ATF3: variants seen among roughly 807,000 people sequenced by gnomAD.
ATF3 encodes the protein activating transcription factor 3.
ATF3 carries 10 observed loss-of-function variants against 18.4 expected under a neutral mutation model. The ratio of observed to expected loss-of-function variants is 0.54; its 90% CI spans 0.34 to 0.92. The LOEUF (loss-of-function observed/expected upper bound fraction) is 0.92, where lower values mean the gene tolerates loss of function less well. ATF3 is among the 40% of genes least tolerant of loss of function. The pLI, the probability that ATF3 is intolerant of heterozygous loss-of-function variation, is 0.02. For missense variants in ATF3, 183 were observed against 222.3 expected (o/e 0.82, Z 1.12); for synonymous variants, 78 against 87.9 (o/e 0.89, Z 0.63).
At chr1:212,577,576 A>G (rs1360837412) in intron 1 of ATF3, among the ~76,000 whole-genome samples, 1 of 130,192 alleles carries the variant, frequency 7.7e-6, no homozygotes, top group Non-Finnish European at 1.7e-5. Context: ...CCCCCATCCT[A>G]CCCCCACCAC....
At chr1:212,583,849 T>C (rs1037377502) in intron 1 of ATF3, among the ~76,000 whole-genome samples, 1 of 152,190 alleles carries the variant, frequency 6.6e-6, no homozygotes, top group Non-Finnish European at 1.5e-5. Flanking sequence ...ATGGGAATCA[T>C]AGTATCTACC....
chr1:212,617,416 C>T (rs1655176047), intron 2 of ATF3, among the ~76,000 whole-genome samples: 1 of 152,192 alleles, frequency 6.6e-6, no homozygotes, highest in South Asian at 2.1e-4. Flanking sequence ...GCCTTTTCCT[C>T]ATGGTGGCAA....
In ATF3 at chr1:212,601,931, G is replaced by A. The variant is rs188371663; in HGVS notation, c.-4-13087G>A. ...GGTGAATTGTTTTTTAATTTTGGGG[G>A]GTATATAGTAGGTGTATATATTTAT... is the stretch of plus-strand genomic sequence containing the variant. On this transcript the variant is annotated intron_variant, in intron 1 of 3. Coordinates refer to the ATF3 transcript ENST00000366981. Among the ~76,000 whole-genome samples the A allele has an allele frequency of 6.5e-4, 99 of 151,952 alleles. 1 individual carries two copies. Among genetic ancestry groups the A allele is most frequent in the Non-Finnish European group, 7.5e-4 (51 of 67,970 alleles).
At chr1:212,605,782 CTT>C (rs1396513965), upstream of ATF3, among the ~76,000 whole-genome samples, 1 of 152,192 alleles carries the variant, frequency 6.6e-6, no homozygotes, top group Non-Finnish European at 1.5e-5. Flanking sequence ...GTCTCCAACT[CTT>C]ATCTCACTCA....
rs545110478 is a variant in ATF3, at chr1:212,619,209, G to A, written c.349-149G>A. The A allele has an allele frequency of 5.0e-4, 808 of 1,610,642 alleles. 13 individuals are homozygous for A. In the South Asian group the frequency reaches 8.1e-3, roughly 16 times the overall value. ...GGGTCTGCATTTTCCTAAACCCAGT[G>A]CTGCTCTCCCATCTCCCATCTTCCT... On this transcript the variant is annotated intron_variant, in intron 3 of 3. Coordinates refer to ENST00000341491, the MANE Select transcript of ATF3 (RefSeq NM_001674.4). The surrounding 1 kb of genome is among the most constrained non-coding windows in gnomAD (Gnocchi z 4.4).
At chr1:212,570,129 C>T (rs963632498) in intron 1 of ATF3, among the ~76,000 whole-genome samples, 4 of 81,972 alleles carry the variant, frequency 4.9e-5, no homozygotes, top group Non-Finnish European at 1.4e-4. Flanking sequence ...AAAGACCTCC[C>T]TATCTATTAT....
chr1:212,578,078 C>A (rs943508607), intron 1 of ATF3, among the ~76,000 whole-genome samples: 1 of 152,214 alleles, frequency 6.6e-6, no homozygotes, highest in Non-Finnish European at 1.5e-5. Context: ...TCCACATCCT[C>A]ACCAACATTT....
chr1:212,594,023 C>T (rs574833371), intron 1 of ATF3, among the ~76,000 whole-genome samples: 1 of 152,384 alleles, frequency 6.6e-6, no homozygotes, highest in African/African-American at 2.4e-5. Flanking sequence ...CTCAGAGTCA[C>T]ACACATCCAC....
rs1258129197 is a variant in ATF3, at chr1:212,618,251, C to T, written c.348+17C>T. ...CTGCAGAAAGTGAGTGCCTTCTAGC[C>T]TTACCCTTCCTCTCGCTCACGCCTG... On this transcript the variant is annotated intron_variant, in intron 3 of 3. Transcript: ENST00000341491. The surrounding 1 kb of genome is among the most constrained non-coding windows in gnomAD (Gnocchi z 4.4). The T allele has an allele frequency of 6.2e-7, 1 of 1,610,944 alleles. No homozygotes were observed. Among genetic ancestry groups the T allele is most frequent in the South Asian group, 1.1e-5 (1 of 91,006 alleles).
chr1:212,577,857 T>C (rs1664609971), intron 1 of ATF3, among the ~76,000 whole-genome samples: 1 of 152,250 alleles, frequency 6.6e-6, no homozygotes, highest in African/African-American at 2.4e-5. Flanking sequence ...TTCCATATCT[T>C]GGCTATTCTG....
At chr1:212,566,858 C>G (rs904408468) in intron 1 of ATF3, among the ~76,000 whole-genome samples, 3 of 152,142 alleles carry the variant, frequency 2.0e-5, no homozygotes, top group Admixed American at 2.0e-4. Context: ...CTTGGCATCA[C>G]TTCCTGGGAA....
intron 1 of ATF3, among the ~76,000 whole-genome samples, chr1:212,585,742 A>G (rs1664768270): frequency 6.6e-6 from 1 of 152,216 alleles, no homozygotes; most frequent in Admixed American, 6.5e-5. Context: ...ATTTCTGGTT[A>G]TCGACCTAGG....
At chr1:212,616,545 G>T (rs181842208) in intron 2 of ATF3, among the ~76,000 whole-genome samples, 148 of 152,234 alleles carry the variant, frequency 9.7e-4, no homozygotes, top group Middle Eastern at 6.8e-3. Flanking sequence ...TAATCCGCCC[G>T]CCTCGGCCTC....
At chr1:212,587,408 T>C (rs982114408) in intron 1 of ATF3, among the ~76,000 whole-genome samples, 2 of 152,228 alleles carry the variant, frequency 1.3e-5, no homozygotes, top group Non-Finnish European at 2.9e-5. Context: ...TCCAAACAAC[T>C]GACTTGTGAG....
At chr1:212,572,926 A>G (rs1372143614) in intron 1 of ATF3, among the ~76,000 whole-genome samples, 1 of 152,204 alleles carries the variant, frequency 6.6e-6, no homozygotes, top group Non-Finnish European at 1.5e-5. Context: ...TATACAGACA[A>G]TTTGTATATA....
intron 2 of ATF3, among the ~76,000 whole-genome samples, chr1:212,617,745 CAAAG>C (rs1280949873): frequency 4.6e-5 from 7 of 152,046 alleles, no homozygotes; most frequent in East Asian, 1.9e-4. Context: ...TCCTGGTTCT[CAAAG>C]AAAGGAGATG....
At chr1:212,597,712 C>T (rs1250294016) in intron 1 of ATF3, among the ~76,000 whole-genome samples, 1 of 152,168 alleles carries the variant, frequency 6.6e-6, no homozygotes, top group African/African-American at 2.4e-5. Flanking sequence ...AGAACCAGAA[C>T]TTGAACCTTG....
At chr1:212,604,150 C>T (rs2102643505), upstream of ATF3, among the ~76,000 whole-genome samples, 1 of 152,292 alleles carries the variant, frequency 6.6e-6, no homozygotes, top group Non-Finnish European at 1.5e-5. Flanking sequence ...TTGATTCTTA[C>T]AACAACCTAG....
intron 1 of ATF3, among the ~76,000 whole-genome samples, chr1:212,574,224 T>A (rs72756337): frequency 0.097 from 14,668 of 151,930 alleles, 1,620 homozygotes; most frequent in African/African-American, 0.28. Context: ...TCATATTTTC[T>A]TAGTACAATA....
Sources: gnomAD v4.1 joint callset for allele counts (sites outside exome capture counted in the v4.1 genomes callset) on GRCh38, gnomAD v4.1.1 for gene constraint, Gnocchi (gnomAD v3.1) non-coding constraint, MANE v1.5 for transcripts, NCBI Gene and HGNC (gene_info 2026-07-23, HGNC 2026-07-21) for gene names.